Variants in RNF38 observed in about 807,000 individuals in gnomAD.
The protein encoded by RNF38 is E3 ubiquitin-protein ligase RNF38.
A neutral mutation model predicts 67.2 loss-of-function variants in RNF38; 15 were observed. The ratio of observed to expected loss-of-function variants is 0.22; its 90% CI spans 0.15 to 0.34. The LOEUF is 0.34. Among genes scored for constraint, RNF38 ranks in the 10% least tolerant of loss-of-function variants. RNF38 has a pLI of 1.00. For synonymous variants in RNF38, 220 were observed against 218.8 expected, an observed-to-expected ratio of 1.01 and a Z score of -0.05; for missense variants, 524 against 639.9, an observed-to-expected ratio of 0.82 and a Z score of 1.95.
chr9:36,401,979 C>A (rs1838053085), upstream of RNF38, among the ~76,000 whole-genome samples: 1 of 152,182 alleles, frequency 6.6e-6, no homozygotes, highest in African/African-American at 2.4e-5. Flanking sequence ...GTTTCAGGAC[C>A]TTCTGGACCT....
intron 4 of RNF38, among the ~76,000 whole-genome samples, chr9:36,364,825 C>T (rs762215921): frequency 3.2e-4 from 48 of 152,164 alleles, no homozygotes; most frequent in East Asian, 5.8e-4. Context: ...GTACAGTCTG[C>T]GAATCTGCAG....
At chr9:36,364,536 C>T (rs943047379) in intron 4 of RNF38, among the ~76,000 whole-genome samples, 1 of 152,050 alleles carries the variant, frequency 6.6e-6, no homozygotes, top group Non-Finnish European at 1.5e-5. Flanking sequence ...GTTGGTCAAA[C>T]GTTATTATGT....
At chr9:36,382,102 G>A (rs1836254888) in intron 2 of RNF38, among the ~76,000 whole-genome samples, 1 of 152,210 alleles carries the variant, frequency 6.6e-6, no homozygotes, top group African/African-American at 2.4e-5. Context: ...TTATCAGGCA[G>A]AGAAGTTCTT....
At chr9:36,467,779 G>C (rs923457017) in intron 1 of RNF38, among the ~76,000 whole-genome samples, 3 of 152,270 alleles carry the variant, frequency 2.0e-5, no homozygotes, top group Middle Eastern at 3.4e-3. Flanking sequence ...GATTATAGTG[G>C]GGAGAGGAAT....
chr9:36,366,670 T>G (rs1834992242), intron 4 of RNF38, among the ~76,000 whole-genome samples: 1 of 152,244 alleles, frequency 6.6e-6, no homozygotes, highest in Non-Finnish European at 1.5e-5. Flanking sequence ...CTTGGCCTAC[T>G]GAATAGATGT....
chr9:36,390,660 C>A, intron 1 of RNF38, 44 bp from the exon 2 acceptor site: 1 of 1,595,074 alleles, frequency 6.3e-7, no homozygotes, highest in Non-Finnish European at 8.6e-7. Flanking sequence ...GCTAGCTGCA[C>A]CAATGTGGAG....
chr9:36,472,126 T>C (rs954110717), intron 1 of RNF38, among the ~76,000 whole-genome samples: 6 of 152,224 alleles, frequency 3.9e-5, no homozygotes, highest in African/African-American at 7.2e-5. Flanking sequence ...CTTACATTCC[T>C]GCCATTAGCA....
At chr9:36,452,309 T>C (rs1839470323) in intron 1 of RNF38, among the ~76,000 whole-genome samples, 1 of 152,168 alleles carries the variant, frequency 6.6e-6, no homozygotes, top group Non-Finnish European at 1.5e-5. Flanking sequence ...TAGAACATTT[T>C]CATCATCCCA....
At chr9:36,439,074 A>C (rs1839134882) in intron 1 of RNF38, among the ~76,000 whole-genome samples, 1 of 143,294 alleles carries the variant, frequency 7.0e-6, no homozygotes, top group Non-Finnish European at 1.5e-5. Context: ...CATGAAAAGC[A>C]ATGAGGGCGG....
At chr9:36,381,417 G>T (rs1287450919) in intron 2 of RNF38, among the ~76,000 whole-genome samples, 2 of 152,038 alleles carry the variant, frequency 1.3e-5, no homozygotes, top group East Asian at 3.9e-4. Context: ...CCTGCTTCTG[G>T]AGTTTAGGCA....
chr9:36,468,923 C>T lies in RNF38; in HGVS notation n.241+18385G>A, dbSNP rs1292107709. Reference sequence around the variant, plus strand: ...GGTCAGGAGTTCAAGACCAGCCTGACCAATACGGTGAAACCCTGTCTCTAT... The same window carrying T: ...GGTCAGGAGTTCAAGACCAGCCTGATCAATACGGTGAAACCCTGTCTCTAT... On this transcript the variant is annotated intron_variant and non_coding_transcript_variant, in intron 1 of 3. Transcript: ENST00000488058. Among the ~76,000 whole-genome samples, 11 of 151,976 alleles carry T rather than the reference C, an allele frequency of 7.2e-5. No individual in the cohort carries two copies. The South Asian group carries it at 2.1e-3, about 29-fold the overall frequency.
chr9:36,441,498 C>A (rs1332331190), intron 1 of RNF38, among the ~76,000 whole-genome samples: 1 of 151,964 alleles, frequency 6.6e-6, no homozygotes, highest in Non-Finnish European at 1.5e-5. Context: ...GCTAATTTTT[C>A]TATTTTTAGT....
intron 1 of RNF38, among the ~76,000 whole-genome samples, chr9:36,460,556 A>G (rs1587178994): frequency 6.6e-6 from 1 of 152,228 alleles, no homozygotes; most frequent in African/African-American, 2.4e-5. Flanking sequence ...ATGGACTGGA[A>G]GCAGCAACTA....
At chr9:36,471,395 C>T (rs768612636) in intron 1 of RNF38, among the ~76,000 whole-genome samples, 1 of 152,122 alleles carries the variant, frequency 6.6e-6, no homozygotes, top group African/African-American at 2.4e-5. Flanking sequence ...ACTATTCTAC[C>T]AAATTTCAAA....
chr9:36,412,232 C>T (rs1156929405), intron 2 of RNF38, among the ~76,000 whole-genome samples: 1 of 152,204 alleles, frequency 6.6e-6, no homozygotes, highest in Non-Finnish European at 1.5e-5. Context: ...ACCATGCTTA[C>T]AAATATCAGC....
intron 2 of RNF38, among the ~76,000 whole-genome samples, chr9:36,416,745 T>TTA (rs1448953372): frequency 6.9e-5 from 8 of 115,498 alleles, no homozygotes; most frequent in Admixed American, 4.2e-4. Context: ...CCTCGATATT[T>TTA]TTTTTTTTTT....
At chr9:36,401,159 C>A (rs898053723), upstream of RNF38, 28 of 984,958 alleles carry the variant, frequency 2.8e-5, no homozygotes, top group Admixed American at 6.2e-5. Context: ...GGCTCCGCAC[C>A]GCGCGCCGAA....
Position 36,353,236 on chromosome 9 carries a change from T to G in RNF38, c.1005A>C (p.Leu335Phe). ...AGAACTGCAAGGGAGCTGATGGAGG[T>G]AATGTTGGGGGGTGGGCTGATGGAG... ...TYPPSAHPPT[L>F]PPSAPLQFLT... The change falls in exon 7 of 12, where the codon TTA becomes TTC. Residue 335 changes from leucine to phenylalanine, a missense_variant. Physicochemically the swap from Leu to Phe is conservative, Grantham distance 22. Coordinates refer to ENST00000259605, the MANE Select transcript of RNF38 (RefSeq NM_022781.5). 6.2e-7 allele frequency: 1 copy of G among 1,612,870 alleles called. No homozygotes were observed. The highest frequency in any genetic ancestry group is 1.1e-5 in the South Asian group (1 of 91,050).
intron 1 of RNF38, among the ~76,000 whole-genome samples, chr9:36,427,079 A>AT (rs1838791335): frequency 6.6e-6 from 1 of 152,096 alleles, no homozygotes; most frequent in South Asian, 2.1e-4. Context: ...CATTGCCCTC[A>AT]TTTTTTGAGG....
Sources: allele counts gnomAD v4.1 joint callset (sites outside exome capture counted in the v4.1 genomes callset), GRCh38; gene constraint gnomAD v4.1.1; transcripts MANE v1.5; gene names NCBI Gene and HGNC (gene_info 2026-07-23, HGNC 2026-07-21).